SYT1: variants seen among roughly 807,000 people sequenced by gnomAD.
The protein encoded by SYT1 is synaptotagmin-1.
Under a neutral mutation model 44.8 loss-of-function variants are expected in SYT1, and 8 were observed. The ratio of observed to expected loss-of-function variants is 0.18; its 90% confidence interval spans 0.10 to 0.32. The LOEUF is 0.32. Ranked by LOEUF, SYT1 falls within the 10% of genes least tolerant of loss-of-function variation. The probability of loss-of-function intolerance (pLI) is 1.00; values close to 1 mark genes in which losing one functional copy is unlikely to be tolerated. For synonymous variants in SYT1, 154 were observed against 188.8 expected (o/e 0.82, Z 1.51); for missense variants, 286 against 509.3 (o/e 0.56, Z 4.22).
intron 4 of SYT1, among the ~76,000 whole-genome samples, chr12:79,247,464 A>G (rs559986338): frequency 2.5e-4 from 38 of 152,338 alleles, no homozygotes; most frequent in African/African-American, 8.4e-4. Flanking sequence ...GCAAAGTAAC[A>G]CAAGCAAAGT....
rs148943071 is a variant in SYT1, at chr12:79,057,507, A to G, written c.-18+10145A>G. ...AGTTGCTCAGGATTTTTGCTTATCC[A>G]TTTTATATTTGCATGTGGCATTGAC... On this transcript the variant is annotated intron_variant, in intron 3 of 10. Coordinates refer to ENST00000261205, the MANE Select transcript of SYT1 (RefSeq NM_005639.3). 3.9e-3 allele frequency among the ~76,000 whole-genome samples: 598 copies of G among 152,100 alleles called. 4 individuals carry two copies. The highest frequency in any genetic ancestry group is 0.014 in the African/African-American group (573 of 41,534).
rs577549677 is a variant in SYT1, at chr12:78,895,179, A to G, written c.-217+30070A>G. 5.9e-5 allele frequency among the ~76,000 whole-genome samples: 9 copies of G among 151,870 alleles called. No homozygotes were observed. In the South Asian group the frequency reaches 1.4e-3, roughly 24 times the overall value. On this transcript the variant is annotated intron_variant, in intron 1 of 10. Transcript: ENST00000261205. ...AAAATAAATATTTATTGAAATGAGT[A>G]ACTCATGAGAATATTACTTTTTTGA...
chr12:79,240,154 A>C (rs1330179737), intron 4 of SYT1, among the ~76,000 whole-genome samples: 1 of 152,214 alleles, frequency 6.6e-6, no homozygotes, highest in African/African-American at 2.4e-5. Context: ...CTTGAAAACC[A>C]TCTTATTAAT....
intron 1 of SYT1, among the ~76,000 whole-genome samples, chr12:78,963,760 A>G (rs1461087512): frequency 6.6e-6 from 1 of 152,132 alleles, no homozygotes; most frequent in African/African-American, 2.4e-5. Context: ...AAAAAGCAAG[A>G]GGAGGCTTCT....
chr12:78,938,800 C>T (rs1327664952), intron 1 of SYT1, among the ~76,000 whole-genome samples: 1 of 152,198 alleles, frequency 6.6e-6, no homozygotes, highest in African/African-American at 2.4e-5. Flanking sequence ...AAAGGAACAG[C>T]TGCCGTCTTT....
chr12:79,338,672 C>T (rs1165315811), intron 8 of SYT1, among the ~76,000 whole-genome samples: 2 of 146,342 alleles, frequency 1.4e-5, no homozygotes, highest in African/African-American at 5.0e-5. Flanking sequence ...CTCCCTCCCT[C>T]CCTTTTTTTT....
At chr12:79,221,229 C>T (rs1343384072) in intron 4 of SYT1, among the ~76,000 whole-genome samples, 1 of 151,964 alleles carries the variant, frequency 6.6e-6, no homozygotes. Context: ...TGATCTGATA[C>T]ACATATATAG....
At chr12:79,260,388 C>T (rs1252785181) in intron 4 of SYT1, among the ~76,000 whole-genome samples, 7 of 152,164 alleles carry the variant, frequency 4.6e-5, no homozygotes, top group African/African-American at 9.7e-5. Flanking sequence ...GCTACTTTAA[C>T]AAGAAATTCA....
intron 1 of SYT1, among the ~76,000 whole-genome samples, chr12:78,910,212 A>G (rs977581714): frequency 2.6e-5 from 4 of 152,032 alleles, no homozygotes; most frequent in Non-Finnish European, 2.9e-5. Flanking sequence ...AATGCCTAGC[A>G]TAGTCCATGT....
At chr12:79,387,822 A>G (rs1344949079) in intron 9 of SYT1, among the ~76,000 whole-genome samples, 1 of 152,232 alleles carries the variant, frequency 6.6e-6, no homozygotes, top group Non-Finnish European at 1.5e-5. Flanking sequence ...CAACAGTTGT[A>G]AAGAGGATAA....
At chr12:79,281,113 A>G (rs996246994) in intron 4 of SYT1, among the ~76,000 whole-genome samples, 1 of 152,086 alleles carries the variant, frequency 6.6e-6, no homozygotes, top group African/African-American at 2.4e-5. Context: ...AGAACTAAAA[A>G]CAGTTCTACC....
intron 4 of SYT1, among the ~76,000 whole-genome samples, chr12:79,266,160 G>A (rs972177273): frequency 6.6e-6 from 1 of 152,072 alleles, no homozygotes; most frequent in Non-Finnish European, 1.5e-5. Flanking sequence ...TAAAGACTTA[G>A]CATGTACTTA....
chr12:78,948,902 A>C (rs1878811015), intron 1 of SYT1, among the ~76,000 whole-genome samples: 1 of 151,228 alleles, frequency 6.6e-6, no homozygotes, highest in African/African-American at 2.4e-5. Context: ...TAAGTTTCTT[A>C]CAGAAGCCTA....
rs115884143 is a variant in SYT1, at chr12:78,914,166, A to C, written c.-217+49057A>C. Among the ~76,000 whole-genome samples the C allele has an allele frequency of 6.7e-4, 102 of 151,380 alleles. 1 individual carries two copies. Among genetic ancestry groups the C allele is most frequent in the African/African-American group, 2.0e-3 (81 of 41,350 alleles). On this transcript the variant is annotated intron_variant, in intron 1 of 10. Transcript: ENST00000261205. ...ACTAATCAAAATTCTGAGGATATAC[A>C]TATATATATATAAAAGTAAATTTTC...
chr12:79,327,975 T>C (rs565238632), intron 8 of SYT1, among the ~76,000 whole-genome samples: 1 of 152,254 alleles, frequency 6.6e-6, no homozygotes, highest in African/African-American at 2.4e-5. Context: ...GGTAATATTT[T>C]AGGGCCTTGA....
intron 4 of SYT1, among the ~76,000 whole-genome samples, chr12:79,239,382 C>T (rs1228052794): frequency 6.6e-6 from 1 of 152,168 alleles, no homozygotes; most frequent in Non-Finnish European, 1.5e-5. Flanking sequence ...AGCCAACGGA[C>T]ACATGACAAC....
chr12:79,187,314 G>T (rs1030338340), intron 3 of SYT1, among the ~76,000 whole-genome samples: 5 of 152,066 alleles, frequency 3.3e-5, no homozygotes, highest in Non-Finnish European at 7.4e-5. Flanking sequence ...GGTCTTAAGC[G>T]GCAGCTGCTC....
At chr12:78,870,994 T>A (rs1873792811) in intron 1 of SYT1, among the ~76,000 whole-genome samples, 1 of 152,128 alleles carries the variant, frequency 6.6e-6, no homozygotes, top group South Asian at 2.1e-4. Flanking sequence ...TTCTTGGAAT[T>A]TCTTTTGTTT....
intron 2 of SYT1, among the ~76,000 whole-genome samples, chr12:78,979,451 C>T (rs1001643130): frequency 5.3e-5 from 8 of 151,924 alleles, no homozygotes; most frequent in Admixed American, 3.3e-4. Context: ...CTAGGACCAG[C>T]ATTTAAAATA....
Sources: gnomAD v4.1 joint callset for allele counts (sites outside exome capture counted in the v4.1 genomes callset) on GRCh38, gnomAD v4.1.1 for gene constraint, MANE v1.5 for transcripts, NCBI Gene and HGNC (gene_info 2026-07-23, HGNC 2026-07-21) for gene names.